Variants in TTPAL observed in about 807,000 individuals in gnomAD.
The protein encoded by TTPAL is alpha-tocopherol transfer protein-like.
Under a neutral mutation model 28.7 loss-of-function variants are expected in TTPAL, and 21 were observed. The observed-to-expected ratio is 0.73, with a 90% CI of 0.52 to 1.06. The LOEUF is 1.06. Among genes scored for constraint, TTPAL ranks in the 50% least tolerant of loss-of-function variants. The pLI, the probability that TTPAL is intolerant of heterozygous loss-of-function variation, is 0.00. For missense variants in TTPAL, 345 were observed against 425.5 expected, an observed-to-expected ratio of 0.81 and a Z score of 1.67; for synonymous variants, 169 against 171.9, an observed-to-expected ratio of 0.98 and a Z score of 0.13.
intron 4 of TTPAL, among the ~76,000 whole-genome samples, chr20:44,488,275 T>G (rs530995683): frequency 2.0e-4 from 30 of 152,330 alleles, no homozygotes; most frequent in African/African-American, 6.5e-4. Flanking sequence ...TGACTGTATG[T>G]GAACCCATGT....
chr20:44,477,958 G>T (rs1402752080), intron 1 of TTPAL, among the ~76,000 whole-genome samples: 1 of 152,100 alleles, frequency 6.6e-6, no homozygotes, highest in Non-Finnish European at 1.5e-5. Context: ...CACAGCCCAA[G>T]AAAAAATTTA....
At position 44,477,397 on chromosome 20, in the gene TTPAL, A is replaced by G. The variant is rs373911073; in HGVS notation, c.-16+1406A>G. ...CGCTGGGTTTCAGGTGATGAACAAG[A>G]CAAACTTGGATGTTGCTCACAAATT... On this transcript the variant is annotated intron_variant, in intron 1 of 4. Coordinates refer to ENST00000262605, the MANE Select transcript of TTPAL (RefSeq NM_001039199.3). Among the ~76,000 whole-genome samples the G allele has an allele frequency of 7.2e-5, 11 of 152,292 alleles. No homozygotes were observed. In the East Asian group the frequency reaches 9.7e-4, roughly 13 times the overall value.
At position 44,480,212 on chromosome 20, in the gene TTPAL, C is replaced by T; in HGVS notation, c.213C>T (p.Asn71=). The change falls in exon 2 of 5, where the codon AAC becomes AAT. Residue 71 remains asparagine (N), a synonymous_variant. Coordinates refer to ENST00000262605, the MANE Select transcript of TTPAL (RefSeq NM_001039199.3). The surrounding 1 kb of genome is among the most constrained non-coding windows in gnomAD (Gnocchi z 4.1). The part of the protein sequence containing the change: ...LRDMVRKEYP[N]LSTSLDDAFL... The stretch of plus-strand genomic sequence containing the variant: ...ACATGGTGCGGAAGGAGTACCCCAA[C>T]CTGAGCACATCCCTCGACGATGCCT... 2 of 1,614,186 alleles carry T rather than the reference C, an allele frequency of 1.2e-6. No homozygotes were observed. The highest frequency in any genetic ancestry group is 8.5e-7 in the Non-Finnish European group (1 of 1,180,026).
chr20:44,488,684 A>G (rs540099453), intron 4 of TTPAL, among the ~76,000 whole-genome samples: 1 of 152,340 alleles, frequency 6.6e-6, no homozygotes, highest in South Asian at 2.1e-4. Context: ...AGAGTGAGCC[A>G]TCTAGGTATC....
At chr20:44,477,568 C>G (rs1458489935) in intron 1 of TTPAL, among the ~76,000 whole-genome samples, 2 of 152,162 alleles carry the variant, frequency 1.3e-5, no homozygotes, top group Non-Finnish European at 2.9e-5. Flanking sequence ...CTTCAGTCCT[C>G]ACTCCCTTAG....
Position 44,480,928 on chromosome 20 carries a change from A to T in TTPAL, c.445+484A>T, listed in dbSNP as rs890203593. Among the ~76,000 whole-genome samples the T allele has an allele frequency of 6.6e-6, 1 of 152,094 alleles. No individual in the cohort carries two copies. Among genetic ancestry groups the T allele is most frequent in the Non-Finnish European group, 1.5e-5 (1 of 68,026 alleles). On this transcript the variant is annotated intron_variant, in intron 2 of 4. Coordinates refer to ENST00000262605, the MANE Select transcript of TTPAL (RefSeq NM_001039199.3). The surrounding 1 kb of genome is among the most constrained non-coding windows in gnomAD (Gnocchi z 4.1). ...TGCAGATTCCCAATTTCTAGTGGGG[A>T]GCATCTGGTGGGGCCTAAGAATCTG...
At chr20:44,477,418 A>C (rs974280917) in intron 1 of TTPAL, among the ~76,000 whole-genome samples, 3 of 152,174 alleles carry the variant, frequency 2.0e-5, no homozygotes, top group African/African-American at 7.2e-5. Flanking sequence ...TGTTGCTCAC[A>C]AATTGCCAAC....
At chr20:44,484,239 C>T in intron 2 of TTPAL, 98 bp from the exon 3 acceptor site, 1 of 845,122 alleles carries the variant, frequency 1.2e-6, no homozygotes, top group Non-Finnish European at 1.7e-6. Flanking sequence ...CTTTCTTTTC[C>T]ATTTTGAAAC....
rs763896098 is a variant in TTPAL at position 44,484,551 on chromosome 20, G to A, written c.639+21G>A. On this transcript the variant is annotated intron_variant, in intron 3 of 4. Transcript: ENST00000262605. ...TCCAGGTAAGACCCGTATGTGTCCTGCCTGTTTCGTGGTGGCTCTGGCTTT... is the reference window on the plus strand; with the variant it reads ...TCCAGGTAAGACCCGTATGTGTCCTACCTGTTTCGTGGTGGCTCTGGCTTT... 8.6e-6 allele frequency: 13 copies of A among 1,516,654 alleles called. No homozygotes were observed. In the Admixed American group the frequency reaches 1.9e-4, roughly 23 times the overall value. The allele number at this position is 1,516,654 out of a possible 1,614,324, so 93.9% of individuals were successfully genotyped here. A position where few individuals can be genotyped will look rare whatever the true frequency, so the allele number is the denominator to read the frequency against.
At chr20:44,478,919 A>G (rs925841021) in intron 1 of TTPAL, among the ~76,000 whole-genome samples, 7 of 152,046 alleles carry the variant, frequency 4.6e-5, no homozygotes, top group African/African-American at 1.7e-4. Context: ...CCTCCCTAGT[A>G]GCTGGGACTA....
intron 1 of TTPAL, among the ~76,000 whole-genome samples, chr20:44,477,819 T>A (rs1002849725): frequency 6.6e-6 from 1 of 152,070 alleles, no homozygotes; most frequent in Non-Finnish European, 1.5e-5. Flanking sequence ...CATGCCTGGC[T>A]AATTTTTGTA....
chr20:44,484,680 A>G (rs1280538535), intron 3 of TTPAL, 150 bp downstream of exon 3: 1 of 562,954 alleles, frequency 1.8e-6, no homozygotes, highest in Non-Finnish European at 3.0e-6. Context: ...AGAAATTTAA[A>G]AGTCCTATTT....
In TTPAL at chr20:44,490,454, G is replaced by T. The variant is rs2064194547; in HGVS notation, c.*913G>T. Reference sequence around the variant, plus strand: ...TTGGCTGCTGAGGCTCTGGGATTTGGTTTAGTTACTGAATGTTAGATTTTC... The same window carrying T: ...TTGGCTGCTGAGGCTCTGGGATTTGTTTTAGTTACTGAATGTTAGATTTTC... On this transcript the variant is annotated 3_prime_UTR_variant, in exon 5 of 5. Transcript: ENST00000262605. 1 of 152,452 alleles carries T rather than the reference G, an allele frequency of 6.6e-6. No individual in the cohort carries two copies. The highest frequency in any genetic ancestry group is 1.9e-4 in the East Asian group (1 of 5,316). 9.4% of individuals were successfully genotyped at this position (152,452 alleles called of 1,614,324 possible). A position where few individuals can be genotyped will look rare whatever the true frequency, so the allele number is the denominator to read the frequency against.
In TTPAL at chr20:44,479,932, T is replaced by G. The variant is rs542368463; in HGVS notation, c.-15-53T>G. 38 of 1,486,482 alleles carry G rather than the reference T, an allele frequency of 2.6e-5. 1 individual carries two copies. The South Asian group carries it at 4.5e-4, about 18-fold the overall frequency. 92.1% of individuals were successfully genotyped at this position (1,486,482 alleles called of 1,614,324 possible). A position where few individuals can be genotyped will look rare whatever the true frequency, so the allele number is the denominator to read the frequency against. Reference sequence around the variant, plus strand: ...TCCTGTCCCCTACACTGTACTGCCCTAGGATTTGAAATAAGCACTTGTTAA... The same window carrying G: ...TCCTGTCCCCTACACTGTACTGCCCGAGGATTTGAAATAAGCACTTGTTAA... On this transcript the variant is annotated intron_variant, in intron 1 of 4. Transcript: ENST00000262605.
chr20:44,484,259 A>G, intron 2 of TTPAL, 78 bp from the exon 3 acceptor site: 1 of 998,036 alleles, frequency 1.0e-6, no homozygotes, highest in Non-Finnish European at 1.4e-6. Context: ...CAACAGTGAT[A>G]GAAAGGAGAT....
At chr20:44,489,154 T>G in intron 4 of TTPAL, 109 bp from the exon 5 acceptor site, 1 of 1,273,494 alleles carries the variant, frequency 7.9e-7, no homozygotes, top group Non-Finnish European at 1.1e-6. Flanking sequence ...GCCATTAACA[T>G]TTCCTTTCTT....
chr20:44,477,100 A>G (rs113246682), intron 1 of TTPAL, among the ~76,000 whole-genome samples: 2 of 152,332 alleles, frequency 1.3e-5, no homozygotes, highest in African/African-American at 4.8e-5. Flanking sequence ...GAGTTATTCC[A>G]AGGATGATGG....
In TTPAL at chr20:44,490,292, C is replaced by T. The variant is rs995204010; in HGVS notation, c.*751C>T. 1 of 152,314 alleles carries T rather than the reference C, an allele frequency of 6.6e-6. No individual in the cohort carries two copies. Among genetic ancestry groups the T allele is most frequent in the Non-Finnish European group, 1.5e-5 (1 of 68,034 alleles). The allele number at this position is 152,314 out of a possible 1,614,324, so 9.4% of individuals were successfully genotyped here. ...CTAGCAGGAAATGATTTTACTCAAC[C>T]TAAAATGCTGGATCCCAGGCCCGTG... On this transcript the variant is annotated 3_prime_UTR_variant, in exon 5 of 5. Transcript: ENST00000262605.
chr20:44,476,048 G>A (rs1441415789), intron 1 of TTPAL, 57 bp downstream of exon 1: 9 of 152,390 alleles, frequency 5.9e-5, no homozygotes, highest in Admixed American at 3.3e-4. Flanking sequence ...GGACCCCTGA[G>A]AGGGAAGGAT....
Sources: allele counts gnomAD v4.1 joint callset (sites outside exome capture counted in the v4.1 genomes callset), GRCh38; gene constraint gnomAD v4.1.1; non-coding constraint Gnocchi (gnomAD v3.1); transcripts MANE v1.5; gene names NCBI Gene and HGNC (gene_info 2026-07-23, HGNC 2026-07-21).